The following CDH12 variants were observed in gnomAD, a reference collection of about 807,000 sequenced individuals.
CDH12 encodes the protein cadherin-12.
Under a neutral mutation model 74.1 loss-of-function variants are expected in CDH12, and 41 were observed. That is an observed-to-expected ratio of 0.55 (90% CI 0.43 to 0.72). The LOEUF (loss-of-function observed/expected upper bound fraction) is 0.72, where lower values mean the gene tolerates loss of function less well. CDH12 is among the 30% of genes least tolerant of loss of function. The pLI, the probability that CDH12 is intolerant of heterozygous loss-of-function variation, is 0.00. For missense variants in CDH12, 945 were observed against 977.2 expected (o/e 0.97, Z 0.44); for synonymous variants, 399 against 355.0 (o/e 1.12, Z -1.39).
chr5:22,655,807 C>T (rs563120592), intron 1 of CDH12, among the ~76,000 whole-genome samples: 18 of 152,256 alleles, frequency 1.2e-4, no homozygotes, highest in African/African-American at 4.3e-4. Context: ...TAAACATGCT[C>T]CCCATATGGG....
chr5:22,416,447 GTAA>G (rs951309872), intron 2 of CDH12, among the ~76,000 whole-genome samples: 6 of 152,236 alleles, frequency 3.9e-5, no homozygotes, highest in Non-Finnish European at 7.4e-5. Context: ...ACTACGTATG[GTAA>G]TGCTCAGAAA....
At chr5:22,412,393 C>G (rs1015025718) in intron 2 of CDH12, among the ~76,000 whole-genome samples, 11 of 151,832 alleles carry the variant, frequency 7.2e-5, no homozygotes, top group Admixed American at 2.6e-4. Context: ...GACCACACAC[C>G]GTTAACTATT....
intron 1 of CDH12, among the ~76,000 whole-genome samples, chr5:22,682,727 AT>A (rs34870336): frequency 0.51 from 76,796 of 151,778 alleles, 20,048 homozygotes; most frequent in Non-Finnish European, 0.57. Flanking sequence ...AAAGTGGTTC[AT>A]TGAGTACACT....
At chr5:21,842,350 T>C in intron 7 of CDH12, 22 bp from the exon 8 acceptor site, 1 of 1,524,062 alleles carries the variant, frequency 6.6e-7, no homozygotes, top group Non-Finnish European at 8.9e-7. Context: ...AAAGCAATAA[T>C]GTAAAATAAA....
At chr5:22,741,805 G>T (rs1745037680) in intron 1 of CDH12, among the ~76,000 whole-genome samples, 1 of 152,136 alleles carries the variant, frequency 6.6e-6, no homozygotes, top group Admixed American at 6.6e-5. Flanking sequence ...CCACCATTTG[G>T]GTTGGAATAG....
chr5:22,382,912 C>A (rs527318213), intron 3 of CDH12, among the ~76,000 whole-genome samples: 1 of 152,200 alleles, frequency 6.6e-6, no homozygotes, highest in Admixed American at 6.5e-5. Context: ...CTCACTGCAA[C>A]CTCTGCCTCC....
intron 1 of CDH12, among the ~76,000 whole-genome samples, chr5:22,720,353 C>T (rs781190654): frequency 6.6e-6 from 1 of 152,136 alleles, no homozygotes; most frequent in African/African-American, 2.4e-5. Flanking sequence ...TCTCCTTCAC[C>T]TTGCGCCATG....
At chr5:22,325,655 G>A (rs1345175654) in intron 3 of CDH12, among the ~76,000 whole-genome samples, 1 of 152,122 alleles carries the variant, frequency 6.6e-6, no homozygotes, top group African/African-American at 2.4e-5. Context: ...GGGAGGCCGA[G>A]GCGGGCGCAT....
intron 1 of CDH12, among the ~76,000 whole-genome samples, chr5:22,570,423 C>A (rs1265676724): frequency 2.6e-5 from 4 of 152,016 alleles, no homozygotes; most frequent in Non-Finnish European, 5.9e-5. Context: ...AGAAAGGATG[C>A]TGTGTTCACA....
Position 21,902,838 on chromosome 5 carries a change from A to T in CDH12, c.527-48048T>A, listed in dbSNP as rs564471858. ...TATGACTCTATTAGATATGGGTAAC[A>T]ACAGCTAAACATTGGGGAACACTTG... On this transcript the variant is annotated intron_variant, in intron 6 of 14. Coordinates refer to ENST00000382254, the MANE Select transcript of CDH12 (RefSeq NM_004061.5). Among the ~76,000 whole-genome samples the T allele has an allele frequency of 8.5e-5, 13 of 152,294 alleles. No homozygotes were observed. The East Asian group carries it at 2.1e-3, about 25-fold the overall frequency.
At chr5:22,390,593 G>C (rs1202580997) in intron 3 of CDH12, among the ~76,000 whole-genome samples, 10 of 151,796 alleles carry the variant, frequency 6.6e-5, no homozygotes, top group Admixed American at 6.6e-4. Flanking sequence ...TAGATAGATA[G>C]ATAGATAGAT....
chr5:21,950,040 C>T (rs1755779125), intron 6 of CDH12, among the ~76,000 whole-genome samples: 1 of 152,166 alleles, frequency 6.6e-6, no homozygotes, highest in South Asian at 2.1e-4. Context: ...ATAGTAAGTG[C>T]CCTAATCAGG....
intron 1 of CDH12, among the ~76,000 whole-genome samples, chr5:22,766,065 T>C (rs913811003): frequency 7.2e-5 from 11 of 151,742 alleles, no homozygotes; most frequent in Non-Finnish European, 1.6e-4. Context: ...AAAATGAAAA[T>C]CATGAGGATA....
chr5:22,144,492 T>G (rs1222831328), intron 4 of CDH12, among the ~76,000 whole-genome samples: 2 of 152,146 alleles, frequency 1.3e-5, no homozygotes, highest in East Asian at 3.9e-4. Context: ...TTTTGATTAT[T>G]TTTGGCCTCC....
At chr5:22,538,738 A>T (rs893494796) in intron 1 of CDH12, among the ~76,000 whole-genome samples, 1 of 152,030 alleles carries the variant, frequency 6.6e-6, no homozygotes, top group African/African-American at 2.4e-5. Context: ...TTTACACAAC[A>T]CTCATGCTCA....
chr5:22,138,805 T>TTA (rs1259296185), intron 4 of CDH12, among the ~76,000 whole-genome samples: 5 of 122,144 alleles, frequency 4.1e-5, no homozygotes, highest in African/African-American at 1.5e-4. Context: ...ATATGTATAA[T>TTA]TATATATATA....
intron 6 of CDH12, among the ~76,000 whole-genome samples, chr5:21,942,932 T>C (rs1755404206): frequency 6.6e-6 from 1 of 152,210 alleles, no homozygotes; most frequent in Non-Finnish European, 1.5e-5. Context: ...TCTTGAATCG[T>C]AATCCCCATA....
chr5:22,353,102 A>G (rs1300400156), intron 3 of CDH12, among the ~76,000 whole-genome samples: 1 of 152,140 alleles, frequency 6.6e-6, no homozygotes, highest in East Asian at 1.9e-4. Flanking sequence ...AACAACAAAA[A>G]GCACTGTTAC....
intron 11 of CDH12, among the ~76,000 whole-genome samples, chr5:21,783,123 A>G (rs1314044363): frequency 6.6e-6 from 1 of 152,144 alleles, no homozygotes; most frequent in Non-Finnish European, 1.5e-5. Flanking sequence ...GGATGAGGTC[A>G]CACAATGAAA....
Sources: allele counts gnomAD v4.1 joint callset (sites outside exome capture counted in the v4.1 genomes callset), GRCh38; gene constraint gnomAD v4.1.1; transcripts MANE v1.5; gene names NCBI Gene and HGNC (gene_info 2026-07-23, HGNC 2026-07-21).